The following EVI5 variants were observed in gnomAD, a reference collection of about 807,000 sequenced individuals.
The protein encoded by EVI5 is ecotropic viral integration site 5 protein homolog.
Under a neutral mutation model 112.0 loss-of-function variants are expected in EVI5, and 73 were observed. The ratio of observed to expected loss-of-function variants is 0.65; its 90% CI spans 0.54 to 0.79. The LOEUF is 0.79. Ranked by LOEUF, EVI5 falls within the 30% of genes least tolerant of loss-of-function variation. EVI5 has a pLI of 0.00. For synonymous variants in EVI5, 305 were observed against 319.9 expected (o/e 0.95, Z 0.50); for missense variants, 900 against 968.8 (o/e 0.93, Z 0.94).
chr1:92,775,129 A>G (rs572227540), intron 1 of EVI5, among the ~76,000 whole-genome samples: 1 of 152,340 alleles, frequency 6.6e-6, no homozygotes, highest in East Asian at 1.9e-4. Flanking sequence ...GATACCACAT[A>G]TAAGAGGGTA....
In EVI5 at chr1:92,588,548, A is replaced by G. The variant is rs533845057; in HGVS notation, c.2070+16759T>C. Among the ~76,000 whole-genome samples the G allele has an allele frequency of 7.2e-4, 110 of 152,272 alleles. 1 individual carries two copies. The South Asian group carries it at 0.022, about 30-fold the overall frequency. Reference sequence around the variant, plus strand: ...CAACAGTCCTCCATCCCTAATACCAATATCTTCTCATTCTCACATTTTTCT... The same window carrying G: ...CAACAGTCCTCCATCCCTAATACCAGTATCTTCTCATTCTCACATTTTTCT... On this transcript the variant is annotated intron_variant, in intron 18 of 19. Transcript: ENST00000684568.
chr1:92,564,900 G>A (rs975921609), intron 18 of EVI5, among the ~76,000 whole-genome samples: 5 of 152,106 alleles, frequency 3.3e-5, no homozygotes, highest in African/African-American at 4.8e-5. Flanking sequence ...GGCTGGTTTC[G>A]AACCCCTGAC....
intron 14 of EVI5, among the ~76,000 whole-genome samples, chr1:92,635,726 T>G (rs1055235493): frequency 6.6e-6 from 1 of 152,116 alleles, no homozygotes; most frequent in African/African-American, 2.4e-5. Context: ...CAGAAATCAT[T>G]CGTCTTCTGC....
chr1:92,664,223 TAAA>T lies in EVI5; in HGVS notation c.1213-774_1213-772del, dbSNP rs1242589675. 2.0e-5 allele frequency among the ~76,000 whole-genome samples: 3 copies of T among 152,102 alleles called. No homozygotes were observed. In the South Asian group the frequency reaches 6.2e-4, roughly 31 times the overall value. On this transcript the variant is annotated intron_variant, in intron 11 of 19. Coordinates refer to ENST00000684568, the MANE Select transcript of EVI5 (RefSeq NM_001350197.2). Reference sequence around the variant, plus strand: ...AACAAAGCAAGGAAAATATGACAAATAAAATTAATGAGCTAAACTTAAACTTTA... The same window carrying T: ...AACAAAGCAAGGAAAATATGACAAATATTAATGAGCTAAACTTAAACTTTA...
At chr1:92,768,992 ACT>A (rs887572182) in intron 1 of EVI5, among the ~76,000 whole-genome samples, 6 of 151,948 alleles carry the variant, frequency 3.9e-5, no homozygotes, top group African/African-American at 1.5e-4. Context: ...TTAGCTTTTC[ACT>A]CTTTCCTTTC....
At chr1:92,784,305 C>G (rs967744594) in intron 1 of EVI5, 3 of 985,284 alleles carry the variant, frequency 3.0e-6, no homozygotes, top group East Asian at 2.3e-4. Context: ...TAAGGTGATT[C>G]AGGAATGGCT....
intron 2 of EVI5, among the ~76,000 whole-genome samples, chr1:92,724,901 T>A (rs150185702): frequency 3.7e-4 from 57 of 152,266 alleles, no homozygotes; most frequent in African/African-American, 1.3e-3. Context: ...TAAAGTAAAC[T>A]CTGTGACTGC....
At chr1:92,776,842 G>A (rs552739225) in intron 1 of EVI5, among the ~76,000 whole-genome samples, 15 of 146,010 alleles carry the variant, frequency 1.0e-4, no homozygotes, top group African/African-American at 1.8e-4. Context: ...CTCGCTCGTC[G>A]CCCAGGCTGG....
rs150498196 is a variant in EVI5, at chr1:92,767,342, C to T, written c.-82+17494G>A. On this transcript the variant is annotated intron_variant, in intron 1 of 19. Coordinates refer to ENST00000684568, the MANE Select transcript of EVI5 (RefSeq NM_001350197.2). ...ATTAATTGTTGTCTTTACTCTGTTA[C>T]TGTGCCTAATTTATAAATAAAACTC... Among the ~76,000 whole-genome samples the T allele has an allele frequency of 2.0e-3, 305 of 152,258 alleles. 4 individuals carry two copies. The highest frequency in any genetic ancestry group is 6.8e-3 in the African/African-American group (282 of 41,542).
At chr1:92,756,283 A>G in intron 1 of EVI5, 1 of 461,914 alleles carries the variant, frequency 2.2e-6, no homozygotes, top group Non-Finnish European at 4.4e-6. Context: ...CTGAAGTAGT[A>G]CACAAAACAG....
chr1:92,683,597 T>C (rs1387419302), intron 9 of EVI5, among the ~76,000 whole-genome samples: 1 of 152,052 alleles, frequency 6.6e-6, no homozygotes, highest in Non-Finnish European at 1.5e-5. Context: ...AGGTAGGTAA[T>C]AACAAACTTC....
intron 1 of EVI5, among the ~76,000 whole-genome samples, chr1:92,783,839 A>C (rs1685244002): frequency 6.6e-6 from 1 of 151,530 alleles, no homozygotes; most frequent in African/African-American, 2.4e-5. Flanking sequence ...AAAGAAAAGA[A>C]AAAGAAAAAG....
intron 18 of EVI5, among the ~76,000 whole-genome samples, chr1:92,565,254 C>T (rs1291305987): frequency 6.6e-6 from 1 of 152,176 alleles, no homozygotes; most frequent in East Asian, 1.9e-4. Context: ...ATCAAACACA[C>T]ATGAATACAT....
At chr1:92,545,328 G>C (rs981398524) in intron 19 of EVI5, among the ~76,000 whole-genome samples, 1 of 151,302 alleles carries the variant, frequency 6.6e-6, no homozygotes, top group Non-Finnish European at 1.5e-5. Flanking sequence ...CTCCTGTCTC[G>C]GCCTCCCAAA....
chr1:92,575,205 A>G (rs146029677), intron 18 of EVI5, among the ~76,000 whole-genome samples: 1 of 152,316 alleles, frequency 6.6e-6, no homozygotes, highest in East Asian at 1.9e-4. Flanking sequence ...TTCACCAATT[A>G]CCATTTTGCT....
chr1:92,672,750 A>T (rs144871976), intron 10 of EVI5, among the ~76,000 whole-genome samples: 187 of 152,342 alleles, frequency 1.2e-3, no homozygotes, highest in African/African-American at 4.2e-3. Flanking sequence ...TTATTGAATA[A>T]ATCAGGCTAG....
chr1:92,519,804 G>A (rs966376145), intron 19 of EVI5, among the ~76,000 whole-genome samples: 1 of 151,250 alleles, frequency 6.6e-6, no homozygotes, highest in African/African-American at 2.4e-5. Flanking sequence ...GCTGAGGTAT[G>A]AGAATTGCTT....
intron 15 of EVI5, among the ~76,000 whole-genome samples, chr1:92,624,762 C>A (rs1465258302): frequency 7.1e-6 from 1 of 141,150 alleles, no homozygotes; most frequent in African/African-American, 2.6e-5. Context: ...GAAAGACAGG[C>A]AATTTTAGAA....
At chr1:92,734,069 T>C (rs1676930213) in intron 2 of EVI5, among the ~76,000 whole-genome samples, 1 of 152,240 alleles carries the variant, frequency 6.6e-6, no homozygotes, top group South Asian at 2.1e-4. Flanking sequence ...CCGGAAAGTA[T>C]AGCCTCGCTG....
Sources: gnomAD v4.1 joint callset for allele counts (sites outside exome capture counted in the v4.1 genomes callset) on GRCh38, gnomAD v4.1.1 for gene constraint, MANE v1.5 for transcripts, NCBI Gene and HGNC (gene_info 2026-07-23, HGNC 2026-07-21) for gene names.